Variants in RNF112 observed in about 807,000 individuals in gnomAD.
RNF112 encodes the protein brain finger protein.
RNF112 carries 34 observed loss-of-function variants against 64.7 expected under a neutral mutation model. That is an observed-to-expected ratio of 0.53 (90% CI 0.40 to 0.70). The LOEUF (loss-of-function observed/expected upper bound fraction) is 0.70. Among genes scored for constraint, RNF112 ranks in the 30% least tolerant of loss-of-function variants. The pLI is 0.00. For missense variants in RNF112, 734 were observed against 850.0 expected (o/e 0.86, Z 1.70); for synonymous variants, 345 against 344.5 (o/e 1.00, Z -0.02).
rs746602432 is a variant in RNF112 at position 19,413,018 on chromosome 17, C to A, written c.462C>A (p.Ala154=). The A allele has an allele frequency of 6.2e-7, 1 of 1,611,788 alleles. No homozygotes were observed. Among genetic ancestry groups the A allele is most frequent in the South Asian group, 1.1e-5 (1 of 90,592 alleles). ...ASGGLILRMG[A]INRCLKHPLA... ...GGGGCCTCATCCTTAGGATGGGGGC[C>A]ATCAACCGCTGCCTGAAGCACCCTC... Residue 154 remains alanine (A), a synonymous_variant, in exon 4 of 14, where the codon GCC becomes GCA. Transcript: ENST00000461366. The surrounding 1 kb of genome is among the most constrained non-coding windows in gnomAD (Gnocchi z 5.9).
rs748159028 is a variant in RNF112 at position 19,415,119 on chromosome 17, G to A, written c.1208G>A (p.Arg403His). 10 of 1,607,768 alleles carry A rather than the reference G, an allele frequency of 6.2e-6. No individual in the cohort carries two copies. The highest frequency in any genetic ancestry group is 2.7e-5 in the African/African-American group (2 of 74,444). The change falls in exon 11 of 14, where the codon CGC becomes CAC. Residue 403 changes from arginine to histidine, a missense_variant. Physicochemically the swap from Arg to His is conservative, Grantham distance 29 (BLOSUM62 0). Transcript: ENST00000461366. The surrounding 1 kb of genome is among the most constrained non-coding windows in gnomAD (Gnocchi z 7.8). The part of the protein sequence containing the change: ...LSAAPQHAKS[R>H]CQGYWNEGRA... ...GCGGCCCCCCAGCACGCTAAGAGCC[G>A]CTGCCAGGGGTACTGGAACGAGGGG...
intron 7 of RNF112, 117 bp from the exon 8 acceptor site, chr17:19,414,332 T>C: frequency 7.7e-7 from 1 of 1,300,984 alleles, no homozygotes; most frequent in South Asian, 1.3e-5. Flanking sequence ...AACCCCAGGC[T>C]GCAAAAGGGG....
chr17:19,413,098 G>C lies in RNF112; in HGVS notation c.542G>C (p.Gly181Ala). The C allele has an allele frequency of 6.2e-7, 1 of 1,613,446 alleles. No individual in the cohort carries two copies. Among genetic ancestry groups the C allele is most frequent in the Non-Finnish European group, 8.5e-7 (1 of 1,179,834 alleles). Residue 181 changes from glycine (G) to alanine (A), a missense_variant, in exon 4 of 14, where the codon GGG (glycine) becomes GCG (alanine). Transcript: ENST00000461366. This position sits in a 1 kb window ranked among gnomAD's most constrained non-coding sequence, Gnocchi z 5.9. ...LLAVLGEQHS[G>A]KSFLLNHLLQ... ...GCTGTCCTGGGGGAGCAGCACTCAG[G>C]GAAGTCCTTCCTCCTCAACCATTTG...
rs771130689 is a variant in RNF112 at position 19,415,075 on chromosome 17, C to A, written c.1164C>A (p.Tyr388Ter). The A allele has an allele frequency of 6.3e-7, 1 of 1,593,784 alleles. No individual in the cohort carries two copies. The highest frequency in any genetic ancestry group is 1.7e-4 in the Middle Eastern group (1 of 5,944). Residue 388 changes from tyrosine to a stop codon, truncating the protein, a stop_gained, in exon 11 of 14, where the codon TAC (tyrosine) becomes TAA (stop). Coordinates refer to ENST00000461366, the MANE Select transcript of RNF112 (RefSeq NM_007148.5). LOFTEE classifies it high-confidence loss of function. The surrounding 1 kb of genome is among the most constrained non-coding windows in gnomAD (Gnocchi z 7.8). ...ACTTCCGCCACCTTCTGGGGGCCTA[C>A]GTCTCAGATGTGCTGAGTGCGGCCC... ...DDDFRHLLGA[Y>*]VSDVLSAAPQ...
Position 19,412,685 on chromosome 17 carries a change from C to T in RNF112, c.283C>T (p.Pro95Ser), listed in dbSNP as rs1913704773. Residue 95 changes from proline to serine, a missense_variant, in exon 3 of 14, where the codon CCT becomes TCT. Physicochemically the swap from Pro to Ser is moderately conservative, Grantham distance 74. Coordinates refer to ENST00000461366, the MANE Select transcript of RNF112 (RefSeq NM_007148.5). This position sits in a 1 kb window ranked among gnomAD's most constrained non-coding sequence, Gnocchi z 5.1. ...RLPGCEPPCC[P>S]ECRKICKQKR... is the part of the protein sequence containing the mutation. ...CCCGGGCTGTGAGCCGCCCTGCTGT[C>T]CTGAGTGCCGGAAGATATGCAAGCA... The T allele has an allele frequency of 6.2e-7, 1 of 1,613,284 alleles. No individual in the cohort carries two copies. The highest frequency in any genetic ancestry group is 1.7e-5 in the Admixed American group (1 of 59,910).
rs1160000138 is a variant in RNF112 at position 19,411,736 on chromosome 17, C to T, written c.95+66C>T. On this transcript the variant is annotated intron_variant, in intron 2 of 13. Coordinates refer to ENST00000461366, the MANE Select transcript of RNF112 (RefSeq NM_007148.5). ...GGCCAGGCAGGTCAGTTGAAATGGC[C>T]GGTCCTGGAACACAGAGCCCGGCAG... The T allele has an allele frequency of 1.3e-5, 19 of 1,500,734 alleles. No individual in the cohort carries two copies. The Admixed American group carries it at 1.4e-4, about 11-fold the overall frequency. 93.0% of individuals were successfully genotyped at this position (1,500,734 alleles called of 1,614,324 possible). A position where few individuals can be genotyped will look rare whatever the true frequency, so the allele number is the denominator to read the frequency against.
rs776358129 is a variant in RNF112, at chr17:19,413,046, G to A, written c.490G>A (p.Ala164Thr). 1 of 1,613,020 alleles carries A rather than the reference G, an allele frequency of 6.2e-7. No individual in the cohort carries two copies. Among genetic ancestry groups the A allele is most frequent in the South Asian group, 1.1e-5 (1 of 90,894 alleles). The change falls in exon 4 of 14, where the codon GCC becomes ACC. Residue 164 changes from alanine to threonine, a missense_variant. By Grantham distance (58) the Ala-to-Thr change is moderately conservative. Coordinates refer to ENST00000461366, the MANE Select transcript of RNF112 (RefSeq NM_007148.5). This position sits in a 1 kb window ranked among gnomAD's most constrained non-coding sequence, Gnocchi z 5.9. The part of the protein sequence containing the change: ...AINRCLKHPL[A>T]RDTPVCLLAV... ...CAACCGCTGCCTGAAGCACCCTCTG[G>A]CCAGGGACACCCCAGTCTGCCTCCT...
Position 19,414,426 on chromosome 17 carries a change from C to T in RNF112, c.877-23C>T, listed in dbSNP as rs147124970. On this transcript the variant is annotated intron_variant, in intron 7 of 13. Transcript: ENST00000461366. ...AGTCCTCAAAGTGGCCCAGCCCTGA[C>T]GCTTTCTGTGTCCCACCCCCAGATG... 2.2e-3 allele frequency: 3,568 copies of T among 1,613,864 alleles called. 58 individuals are homozygous for T. The African/African-American group carries it at 0.039, about 17-fold the overall frequency.
In RNF112 at chr17:19,416,010, A is replaced by G; in HGVS notation, c.1731A>G (p.Ala577=). 1 of 1,550,032 alleles carries G rather than the reference A, an allele frequency of 6.5e-7. No individual in the cohort carries two copies. Among genetic ancestry groups the G allele is most frequent in the Non-Finnish European group, 8.7e-7 (1 of 1,149,160 alleles). ...GCATGGCAGCAGCTGCACTGGCTGC[A>G]GAGGCTGGGATGGTGGCTGCTGGAG... ...GAGMAAAALA[A]EAGMVAAGAA... Residue 577 remains alanine (A), a synonymous_variant, in exon 14 of 14, where the codon GCA becomes GCG. Coordinates refer to ENST00000461366, the MANE Select transcript of RNF112 (RefSeq NM_007148.5).
rs1598136554 is a variant in RNF112 at position 19,415,072 on chromosome 17, C to T, written c.1161C>T (p.Ala387=). The part of the protein sequence containing the change: ...TDDDFRHLLG[A]YVSDVLSAAP... ...ATGACTTCCGCCACCTTCTGGGGGC[C>T]TACGTCTCAGATGTGCTGAGTGCGG... is the stretch of plus-strand genomic sequence containing the variant. Residue 387 remains alanine, a synonymous_variant, in exon 11 of 14, where the codon GCC becomes GCT. Coordinates refer to ENST00000461366, the MANE Select transcript of RNF112 (RefSeq NM_007148.5). The surrounding 1 kb of genome is among the most constrained non-coding windows in gnomAD (Gnocchi z 7.8). 1 of 1,592,970 alleles carries T rather than the reference C, an allele frequency of 6.3e-7. No individual in the cohort carries two copies. The highest frequency in any genetic ancestry group is 1.4e-5 in the African/African-American group (1 of 73,780).
rs774030010 is a variant in RNF112 at position 19,415,628 on chromosome 17, C to T, written c.1425+36C>T. The T allele has an allele frequency of 1.2e-5, 19 of 1,606,826 alleles. 1 individual carries two copies. In the Admixed American group the frequency reaches 3.2e-4, roughly 27 times the overall value. ...GGGCTGCACGGGAGGCAGGTGTGGGCCGGGCAGGGTCCAGATCAGGGAGAG... is the reference window on the plus strand; with the variant it reads ...GGGCTGCACGGGAGGCAGGTGTGGGTCGGGCAGGGTCCAGATCAGGGAGAG... On this transcript the variant is annotated intron_variant, in intron 13 of 13. Coordinates refer to ENST00000461366, the MANE Select transcript of RNF112 (RefSeq NM_007148.5). This position sits in a 1 kb window ranked among gnomAD's most constrained non-coding sequence, Gnocchi z 7.8.
chr17:19,411,859 G>A, intron 2 of RNF112, 189 bp downstream of exon 2: 2 of 647,332 alleles, frequency 3.1e-6, no homozygotes, highest in East Asian at 2.7e-5. Context: ...GCAGATGCCA[G>A]CTCAGAGCAG....
chr17:19,414,905 C>G lies in RNF112; in HGVS notation c.1126+18C>G, dbSNP rs562162857. ...CCCTGGTGGTGAGTGTCTCTGAGAG[C>G]TGAACCTCTCTTGCGCTGCTCCCAG... On this transcript the variant is annotated intron_variant, in intron 10 of 13. Transcript: ENST00000461366. 3.1e-6 allele frequency: 5 copies of G among 1,610,470 alleles called. No individual in the cohort carries two copies. In the African/African-American group the frequency reaches 4.0e-5, roughly 13 times the overall value.
rs900405809 is a variant in RNF112 at position 19,416,116 on chromosome 17, AAGG to A, written c.1845_1847del (p.Glu615del). On this transcript the variant is annotated inframe_deletion, in exon 14 of 14. Coordinates refer to ENST00000461366, the MANE Select transcript of RNF112 (RefSeq NM_007148.5). ...GGCTGCCACAGTGGGCTGCATGGAG[AAGG>A]AGGAGGATGAGAGGCTTCTGGAAGG... 1.3e-6 allele frequency: 2 copies of A among 1,582,202 alleles called. No individual in the cohort carries two copies. The highest frequency in any genetic ancestry group is 1.3e-5 in the African/African-American group (1 of 74,392).
chr17:19,413,185 ATGGGGGTTCCTGCC>A lies in RNF112; in HGVS notation c.588+48_588+61del, dbSNP rs1567935504. The stretch of plus-strand genomic sequence containing the variant: ...GGCAGGAGGGAGGCGGGGAGCAAGG[ATGGGGGTTCCTGCC>A]TGGGGGAAGCTGGGTCTGGTATTCC... On this transcript the variant is annotated intron_variant, in intron 4 of 13. Transcript: ENST00000461366. The surrounding 1 kb of genome is among the most constrained non-coding windows in gnomAD (Gnocchi z 5.9). 3.8e-6 allele frequency: 6 copies of A among 1,599,426 alleles called. No individual in the cohort carries two copies. The highest frequency in any genetic ancestry group is 1.3e-5 in the African/African-American group (1 of 74,644).
In RNF112 at chr17:19,412,125, G is replaced by C. The variant is rs1205164580; in HGVS notation, c.96-373G>C. On this transcript the variant is annotated intron_variant, in intron 2 of 13. Transcript: ENST00000461366. The surrounding 1 kb of genome is among the most constrained non-coding windows in gnomAD (Gnocchi z 5.1). ...TGGCCACCCCAACGGCCCCATGAGG[G>C]GTATTGCTATCCTCTCCATTGGGAC... Among the ~76,000 whole-genome samples, 1 of 152,200 alleles carries C rather than the reference G, an allele frequency of 6.6e-6. No individual in the cohort carries two copies. The highest frequency in any genetic ancestry group is 1.5e-5 in the Non-Finnish European group (1 of 68,032).
In RNF112 at chr17:19,412,622, C is replaced by T. The variant is rs757085684; in HGVS notation, c.220C>T (p.His74Tyr). The change falls in exon 3 of 14, where the codon CAC (histidine) becomes TAC (tyrosine). Residue 74 changes from histidine to tyrosine, a missense_variant. Coordinates refer to ENST00000461366, the MANE Select transcript of RNF112 (RefSeq NM_007148.5). This position sits in a 1 kb window ranked among gnomAD's most constrained non-coding sequence, Gnocchi z 5.1. ...LRDPISLDCG[H>Y]DFCIRCFSTH... ...CGACCCCATCTCGCTGGACTGTGGCCACGACTTCTGCATACGGTGCTTCAG... is the reference window on the plus strand; with the variant it reads ...CGACCCCATCTCGCTGGACTGTGGCTACGACTTCTGCATACGGTGCTTCAG... 2 of 1,613,486 alleles carry T rather than the reference C, an allele frequency of 1.2e-6. No individual in the cohort carries two copies. The highest frequency in any genetic ancestry group is 1.7e-6 in the Non-Finnish European group (2 of 1,179,780).
chr17:19,411,706 A>G, intron 2 of RNF112, 36 bp downstream of exon 2: 1 of 1,562,462 alleles, frequency 6.4e-7, no homozygotes, highest in Non-Finnish European at 8.7e-7. Context: ...GGATGGGTGC[A>G]GTGAGGCCAG....
chr17:19,414,896 C>T lies in RNF112; in HGVS notation c.1126+9C>T, dbSNP rs376658487. ...CCATGCAAGCCCTGGTGGTGAGTGT[C>T]TCTGAGAGCTGAACCTCTCTTGCGC... is the stretch of plus-strand genomic sequence containing the variant. On this transcript the variant is annotated intron_variant, in intron 10 of 13. Transcript: ENST00000461366. 27 of 1,612,280 alleles carry T rather than the reference C, an allele frequency of 1.7e-5. No individual in the cohort carries two copies. The highest frequency in any genetic ancestry group is 6.7e-5 in the Admixed American group (4 of 59,984).
Sources: allele counts gnomAD v4.1 joint callset (sites outside exome capture counted in the v4.1 genomes callset), GRCh38; gene constraint gnomAD v4.1.1; non-coding constraint Gnocchi (gnomAD v3.1); transcripts MANE v1.5; gene names NCBI Gene and HGNC (gene_info 2026-07-23, HGNC 2026-07-21).